The following DUOX1 variants were observed in gnomAD, a reference collection of about 807,000 sequenced individuals.
DUOX1 encodes NADPH thyroid oxidase 1.
In DUOX1, 134 loss-of-function variants were observed where a neutral mutation model predicts 181.8. That is an observed-to-expected ratio of 0.74 (90% CI 0.64 to 0.85). The LOEUF (loss-of-function observed/expected upper bound fraction) is 0.85, where lower values mean the gene tolerates loss of function less well. DUOX1 is among the 40% of genes least tolerant of loss of function. DUOX1 has a pLI of 0.00. For missense variants in DUOX1, 1,814 were observed against 2,064.4 expected, an observed-to-expected ratio of 0.88 and a Z score of 2.35; for synonymous variants, 798 against 832.5, an observed-to-expected ratio of 0.96 and a Z score of 0.71.
intron 2 of DUOX1, among the ~76,000 whole-genome samples, chr15:45,132,535 G>T (rs1383230082): frequency 2.1e-4 from 32 of 152,220 alleles, no homozygotes; most frequent in Admixed American, 1.8e-3. Context: ...GCTCTCTGCA[G>T]TCCGGATCTC....
At chr15:45,135,408 G>A (rs973582804) in intron 5 of DUOX1, 66 bp from the exon 6 acceptor site, 3 of 1,510,128 alleles carry the variant, frequency 2.0e-6, no homozygotes, top group Non-Finnish European at 2.6e-6. Flanking sequence ...GACACCCGCC[G>A]GGCCCCGGCC....
In DUOX1 at chr15:45,153,449, G is replaced by A. The variant is rs775337093; in HGVS notation, c.3494G>A (p.Cys1165Tyr). Residue 1165 changes from cysteine (C) to tyrosine (Y), a missense_variant, in exon 26 of 34, where the codon TGC becomes TAC. By Grantham distance (194) the Cys-to-Tyr change is radical. Coordinates refer to ENST00000389037, the MANE Select transcript of DUOX1 (RefSeq NM_175940.3). ...FSISPLSVLS[C>Y]LFPGLFHDDG... The stretch of plus-strand genomic sequence containing the variant: ...ATCAGCCCCCTCAGCGTCCTCTCTT[G>A]CCTCTTTCCTGGCCTCTTCCATGAT... 9 of 1,613,066 alleles carry A rather than the reference G, an allele frequency of 5.6e-6. No homozygotes were observed. The highest frequency in any genetic ancestry group is 7.6e-6 in the Non-Finnish European group (9 of 1,179,908).
chr15:45,134,152 G>GCTGCA lies in DUOX1; in HGVS notation c.151_155dup (p.Gln52HisfsTer43). ...TTACCCCTCCTACCCCAGGCTCCCG[G>GCTGCA]CTGCAGCGCCTGGTCCCAGCCAGCT... On this transcript the variant is annotated frameshift_variant, in exon 4 of 34. Transcript: ENST00000389037. LOFTEE classifies it high-confidence loss of function. 6.4e-7 allele frequency: 1 copy of GCTGCA among 1,553,760 alleles called. No individual in the cohort carries two copies. The highest frequency in any genetic ancestry group is 8.7e-7 in the Non-Finnish European group (1 of 1,155,240).
rs1896419692 is a variant in DUOX1 at position 45,139,113 on chromosome 15, C to T, written c.1161C>T (p.Gly387=). The T allele has an allele frequency of 6.2e-7, 1 of 1,614,162 alleles. No homozygotes were observed. The highest frequency in any genetic ancestry group is 1.6e-4 in the Middle Eastern group (1 of 6,062). Residue 387 remains glycine (G), a synonymous_variant, in exon 11 of 34, where the codon GGC becomes GGT. Coordinates refer to ENST00000389037, the MANE Select transcript of DUOX1 (RefSeq NM_175940.3). ...AAGATGTGGATGCACTGCTGCTGGGCATGGCCTCCCAGATCGCAGAGCGAG... is the reference window on the plus strand; with the variant it reads ...AAGATGTGGATGCACTGCTGCTGGGTATGGCCTCCCAGATCGCAGAGCGAG... The part of the protein sequence containing the change: ...SAEDVDALLL[G]MASQIAERED...
chr15:45,132,088 C>A (rs1706810), intron 2 of DUOX1, 64 bp downstream of exon 2: 21 of 1,431,418 alleles, frequency 1.5e-5, no homozygotes, highest in East Asian at 2.3e-5. Context: ...TCTGGGCTCC[C>A]CCAAGGACAG....
At chr15:45,159,822 G>C (rs548924651) in intron 28 of DUOX1, among the ~76,000 whole-genome samples, 106 of 152,280 alleles carry the variant, frequency 7.0e-4, no homozygotes, top group African/African-American at 2.5e-3. Flanking sequence ...TCAGTCCAGT[G>C]GGGAAAACGA....
At chr15:45,139,713 G>T in intron 12 of DUOX1, 114 bp downstream of exon 12, 1 of 1,172,076 alleles carries the variant, frequency 8.5e-7, no homozygotes. Flanking sequence ...CTAATGGGAG[G>T]GGCAGGGCTT....
At chr15:45,143,652 T>C (rs1190881455) in intron 16 of DUOX1, among the ~76,000 whole-genome samples, 1 of 152,174 alleles carries the variant, frequency 6.6e-6, no homozygotes, top group East Asian at 1.9e-4. Flanking sequence ...CAGACTGGGA[T>C]TGGAATCTTG....
chr15:45,150,478 G>C, intron 21 of DUOX1, 154 bp from the exon 22 acceptor site: 1 of 674,842 alleles, frequency 1.5e-6, no homozygotes, highest in Middle Eastern at 4.1e-4. Flanking sequence ...TTGGGGACAA[G>C]GGCTGAGGTT....
At chr15:45,147,328 G>A (rs1308290308) in intron 18 of DUOX1, 105 bp from the exon 19 acceptor site, 4 of 1,442,080 alleles carry the variant, frequency 2.8e-6, no homozygotes, top group Middle Eastern at 1.8e-4. Context: ...AGCAGAGGGG[G>A]TCCTGGGCAG....
At chr15:45,130,796 C>T (rs1223717096) in intron 1 of DUOX1, among the ~76,000 whole-genome samples, 5 of 152,230 alleles carry the variant, frequency 3.3e-5, no homozygotes, top group Non-Finnish European at 7.4e-5. Context: ...GCGTTGAGGC[C>T]CAGGATCCTG....
At chr15:45,144,417 C>T (rs16939672) in intron 17 of DUOX1, among the ~76,000 whole-genome samples, 182 bp downstream of exon 17, 4,457 of 152,322 alleles carry the variant, frequency 0.029, 256 homozygotes, top group African/African-American at 0.1. Flanking sequence ...TATCCTGCTC[C>T]GGGTCTGCTG....
chr15:45,132,238 C>A (rs747256894), intron 2 of DUOX1, among the ~76,000 whole-genome samples: 12 of 152,314 alleles, frequency 7.9e-5, no homozygotes, highest in Non-Finnish European at 1.2e-4. Context: ...AATTAGGGAG[C>A]CTTCAGCTGC....
In DUOX1 at chr15:45,162,393, A is replaced by C; in HGVS notation, c.4248+16A>C. The C allele has an allele frequency of 6.2e-7, 1 of 1,608,466 alleles. No homozygotes were observed. The highest frequency in any genetic ancestry group is 8.5e-7 in the Non-Finnish European group (1 of 1,176,744). The stretch of plus-strand genomic sequence containing the variant: ...CTGTAAGAAGGTGAGTACTGCCCCC[A>C]CTTCCCACCAACCCATGGCCCCTTC... On this transcript the variant is annotated intron_variant, in intron 31 of 33. Coordinates refer to ENST00000389037, the MANE Select transcript of DUOX1 (RefSeq NM_175940.3).
At chr15:45,133,994 C>T in intron 3 of DUOX1, 47 bp downstream of exon 3, 1 of 1,604,476 alleles carries the variant, frequency 6.2e-7, no homozygotes. Context: ...CAGGGGGGTA[C>T]TGAGTGCTGC....
rs199569484 is a variant in DUOX1 at position 45,147,977 on chromosome 15, T to C, written c.2622T>C (p.Asp874=). The change falls in exon 20 of 34, where the codon GAT becomes GAC. Residue 874 remains aspartate, a synonymous_variant. Transcript: ENST00000389037. ...DFDGNGLISK[D]EFIRMLRSFI... is the part of the protein sequence containing the mutation. ...ATGGGAATGGCCTCATTTCCAAGGA[T>C]GAGTTCATCAGGATGCTGAGGTTTG... 3.2e-5 allele frequency: 52 copies of C among 1,613,960 alleles called. No individual in the cohort carries two copies. In the East Asian group the frequency reaches 1.1e-3, roughly 33 times the overall value.
intron 21 of DUOX1, among the ~76,000 whole-genome samples, chr15:45,149,458 C>T (rs990580230): frequency 1.3e-5 from 2 of 152,184 alleles, no homozygotes; most frequent in Non-Finnish European, 2.9e-5. Flanking sequence ...GAGGGTAAAA[C>T]CAGGCTTGGG....
At chr15:45,143,142 T>G in intron 15 of DUOX1, 48 bp from the exon 16 acceptor site, 4 of 1,460,804 alleles carry the variant, frequency 2.7e-6, no homozygotes, top group Non-Finnish European at 3.8e-6. Flanking sequence ...GCTGCTTCCA[T>G]CCCCTAGACC....
At chr15:45,144,389 G>A (rs1387510588) in intron 17 of DUOX1, among the ~76,000 whole-genome samples, 154 bp downstream of exon 17, 2 of 152,244 alleles carry the variant, frequency 1.3e-5, no homozygotes, top group Non-Finnish European at 2.9e-5. Context: ...CTGATAGAGA[G>A]ATAAACTTGG....
Sources: gnomAD v4.1 joint callset for allele counts (sites outside exome capture counted in the v4.1 genomes callset) on GRCh38, gnomAD v4.1.1 for gene constraint, MANE v1.5 for transcripts, NCBI Gene and HGNC (gene_info 2026-07-23, HGNC 2026-07-21) for gene names.